The following LAMC2 variants were observed in gnomAD, a reference collection of about 807,000 sequenced individuals.
LAMC2 encodes laminin subunit gamma 2.
In LAMC2, 97 loss-of-function variants were observed where a neutral mutation model predicts 140.2. That is an observed-to-expected ratio of 0.69 (90% confidence interval 0.59 to 0.82). The LOEUF is 0.82. Ranked by LOEUF, LAMC2 falls within the 40% of genes least tolerant of loss-of-function variation. The pLI is 0.00. For missense variants in LAMC2, 1,402 were observed against 1,476.1 expected, an observed-to-expected ratio of 0.95 and a Z score of 0.82; for synonymous variants, 513 against 540.2, an observed-to-expected ratio of 0.95 and a Z score of 0.70.
At chr1:183,191,001 CT>C (rs1658314112) in intron 1 of LAMC2, among the ~76,000 whole-genome samples, 1 of 152,342 alleles carries the variant, frequency 6.6e-6, no homozygotes, top group African/African-American at 2.4e-5. Flanking sequence ...CCTTTCAGCA[CT>C]CACAACTATG....
At chr1:183,207,366 C>T (rs984587851) in intron 1 of LAMC2, among the ~76,000 whole-genome samples, 1 of 147,424 alleles carries the variant, frequency 6.8e-6, no homozygotes, top group Non-Finnish European at 1.5e-5. Context: ...GAGACATGTG[C>T]CCAGACGGTC....
rs761955522 is a variant in LAMC2, at chr1:183,215,457, T to C, written c.273T>C (p.Ser91=). The C allele has an allele frequency of 1.7e-5, 28 of 1,614,016 alleles. No individual in the cohort carries two copies. The South Asian group carries it at 3.1e-4, about 18-fold the overall frequency. Residue 91 remains serine (S), a synonymous_variant, in exon 3 of 23, where the codon TCT becomes TCC. Transcript: ENST00000264144. The part of the protein sequence containing the change: ...CLPCNCNSKG[S]LSARCDNSGR... ...CCCCTACCTTGTGGGTTTCAGGTTC[T>C]CTTAGTGCTCGATGTGACAACTCCG...
rs895036591 is a variant in LAMC2 at position 183,205,790 on chromosome 1, A to G, written c.80-2091A>G. On this transcript the variant is annotated intron_variant, in intron 1 of 22. Transcript: ENST00000264144. ...GTCTGTTGGATAAATAAAAGAATAA[A>G]AAGAGAGTAGGGGTGTGTGTGTGTG... Among the ~76,000 whole-genome samples, 6 of 144,936 alleles carry G rather than the reference A, an allele frequency of 4.1e-5. No homozygotes were observed. In the East Asian group the frequency reaches 1.1e-3, roughly 25 times the overall value.
chr1:183,197,903 G>A (rs1366012322), intron 1 of LAMC2, among the ~76,000 whole-genome samples: 1 of 152,074 alleles, frequency 6.6e-6, no homozygotes, highest in Non-Finnish European at 1.5e-5. Flanking sequence ...GACATTTAGA[G>A]TAGGGGTAAG....
At chr1:183,220,716 T>G in intron 4 of LAMC2, 109 bp from the exon 5 acceptor site, 1 of 1,185,744 alleles carries the variant, frequency 8.4e-7, no homozygotes, top group Non-Finnish European at 1.2e-6. Flanking sequence ...CTCTGAAAAT[T>G]AATAGGGCCA....
intron 3 of LAMC2, 112 bp downstream of exon 3, chr1:183,215,700 G>C: frequency 7.8e-7 from 1 of 1,289,300 alleles, no homozygotes; most frequent in South Asian, 1.2e-5. Flanking sequence ...ACACTGCTTT[G>C]AGAGTACATC....
rs765099891 is a variant in LAMC2 at position 183,236,568 on chromosome 1, G to A, written c.2565G>A (p.Val855=). The A allele has an allele frequency of 6.2e-7, 1 of 1,614,148 alleles. No homozygotes were observed. Among genetic ancestry groups the A allele is most frequent in the Non-Finnish European group, 8.5e-7 (1 of 1,180,024 alleles). ...ACAGTCTCCGCCTCCTGGATTCAGT[G>A]TCTCGGCTTCAGGGAGTCAGTGATC... ...YQHSLRLLDS[V]SRLQGVSDQS... is the part of the protein sequence containing the mutation. Residue 855 remains valine (V), a synonymous_variant, in exon 17 of 23, where the codon GTG becomes GTA. Coordinates refer to ENST00000264144, the MANE Select transcript of LAMC2 (RefSeq NM_005562.3).
At chr1:183,204,284 CTG>C (rs1658813090) in intron 1 of LAMC2, among the ~76,000 whole-genome samples, 1 of 151,732 alleles carries the variant, frequency 6.6e-6, no homozygotes, top group Admixed American at 6.6e-5. Flanking sequence ...GAGTGAGACT[CTG>C]TCTCAAAAAT....
chr1:183,229,675 C>T (rs1320410899), intron 11 of LAMC2, among the ~76,000 whole-genome samples: 1 of 151,128 alleles, frequency 6.6e-6, no homozygotes, highest in Non-Finnish European at 1.5e-5. Flanking sequence ...ACTCTGGACA[C>T]CCAGGTTGGA....
In LAMC2 at chr1:183,186,401, C is replaced by T; in HGVS notation, c.49C>T (p.Pro17Ser). 6.2e-7 allele frequency: 1 copy of T among 1,605,736 alleles called. No homozygotes were observed. The change falls in exon 1 of 23, where the codon CCC (proline) becomes TCC (serine). Residue 17 changes from proline (P) to serine (S), a missense_variant. Pro to Ser is a moderately conservative substitution (Grantham distance 74, BLOSUM62 -1). Around this residue, in one of 3 missense-constraint regions of LAMC2, gnomAD observed 723 missense variants for 783.3 expected, o/e 0.92. Coordinates refer to ENST00000264144, the MANE Select transcript of LAMC2 (RefSeq NM_005562.3). ...GCCLCFSLLL[P>S]AARATSRREV... is the part of the protein sequence containing the mutation. Reference sequence around the variant, plus strand: ...CTGCCTCTGCTTCTCGCTCCTCCTGCCCGCAGCCCGGGCCACCTCCAGGAG... The same window carrying T: ...CTGCCTCTGCTTCTCGCTCCTCCTGTCCGCAGCCCGGGCCACCTCCAGGAG...
downstream of LAMC2, among the ~76,000 whole-genome samples, chr1:183,247,386 G>GA (rs1480214688): frequency 1.3e-5 from 2 of 151,762 alleles, no homozygotes; most frequent in Non-Finnish European, 2.9e-5. Context: ...TCAGGACAAG[G>GA]AAAAAAAGGC....
intron 12 of LAMC2, among the ~76,000 whole-genome samples, chr1:183,231,572 C>G (rs540382035): frequency 6.6e-6 from 1 of 152,206 alleles, no homozygotes; most frequent in African/African-American, 2.4e-5. Context: ...TGAAGAAAAA[C>G]ATAAACATAA....
chr1:183,208,338 T>C (rs1658965135), intron 2 of LAMC2, among the ~76,000 whole-genome samples: 1 of 152,190 alleles, frequency 6.6e-6, no homozygotes. Flanking sequence ...TGAGGGCATG[T>C]TGTCTTGAAT....
In LAMC2 at chr1:183,227,678, C is replaced by T. The variant is rs1659670230; in HGVS notation, c.1449C>T (p.Asn483=). 6.2e-7 allele frequency: 1 copy of T among 1,614,210 alleles called. No homozygotes were observed. The highest frequency in any genetic ancestry group is 1.3e-5 in the African/African-American group (1 of 75,060). The change falls in exon 10 of 23, where the codon AAC becomes AAT. Residue 483 remains asparagine (N), a synonymous_variant. Transcript: ENST00000264144. The part of the protein sequence containing the change: ...MPETEEVVCN[N]CPPGVTGARC... The stretch of plus-strand genomic sequence containing the variant: ...AGACGGAGGAGGTGGTGTGCAATAA[C>T]TGCCCTCCCGGGGTCACCGGTAAGG...
Position 183,188,600 on chromosome 1 carries a change from C to A in LAMC2, c.79+2169C>A, listed in dbSNP as rs1658227198. Among the ~76,000 whole-genome samples, 4 of 152,192 alleles carry A rather than the reference C, an allele frequency of 2.6e-5. No individual in the cohort carries two copies. In the South Asian group the frequency reaches 8.3e-4, roughly 32 times the overall value. ...TAAAATGGAGGCAATAGTACTTCAA[C>A]CTTGTAGAGTTTTTGAAAGGATGAA... is the stretch of plus-strand genomic sequence containing the variant. On this transcript the variant is annotated intron_variant, in intron 1 of 22. Transcript: ENST00000264144.
intron 1 of LAMC2, among the ~76,000 whole-genome samples, chr1:183,189,508 G>A (rs1326172785): frequency 3.9e-5 from 6 of 152,150 alleles, no homozygotes; most frequent in African/African-American, 7.2e-5. Flanking sequence ...CTCCAGCCTG[G>A]GTGACAAAGC....
At chr1:183,200,536 A>G (rs768129343) in intron 1 of LAMC2, among the ~76,000 whole-genome samples, 1 of 152,200 alleles carries the variant, frequency 6.6e-6, no homozygotes, top group Non-Finnish European at 1.5e-5. Flanking sequence ...ATGAACTGCT[A>G]CTACTGATGA....
Position 183,225,641 on chromosome 1 carries a change from C to G in LAMC2, c.987C>G (p.Pro329=), listed in dbSNP as rs777191714. The change falls in exon 8 of 23, where the codon CCC becomes CCG. Residue 329 remains proline, a synonymous_variant. Coordinates refer to ENST00000264144, the MANE Select transcript of LAMC2 (RefSeq NM_005562.3). The part of the protein sequence containing the change: ...LNEHPSNNWS[P]QLSYFEYRRL... ...AGCATCCAAGCAATAATTGGAGCCC[C>G]CAGCTGAGTTACTTTGAGTATCGAA... The G allele has an allele frequency of 7.3e-5, 118 of 1,614,024 alleles. No individual in the cohort carries two copies. The highest frequency in any genetic ancestry group is 9.7e-5 in the Non-Finnish European group (114 of 1,179,918).
At chr1:183,217,906 G>A (rs760388263) in intron 3 of LAMC2, among the ~76,000 whole-genome samples, 133 of 152,304 alleles carry the variant, frequency 8.7e-4, no homozygotes, top group Non-Finnish European at 1.5e-3. Flanking sequence ...TGGGTGAATT[G>A]CATGGCATAT....
Sources: allele counts gnomAD v4.1 joint callset (sites outside exome capture counted in the v4.1 genomes callset), GRCh38; gene constraint gnomAD v4.1.1; regional missense constraint gnomAD v4.1.1; transcripts MANE v1.5; gene names NCBI Gene and HGNC (gene_info 2026-07-23, HGNC 2026-07-21).